GNAS: variants seen among roughly 807,000 people sequenced by gnomAD.
The protein encoded by GNAS is GNAS complex locus.
Under a neutral mutation model 54.5 loss-of-function variants are expected in GNAS, and 8 were observed. The ratio of observed to expected loss-of-function variants is 0.15; its 90% CI spans 0.09 to 0.26. The LOEUF is 0.26. GNAS is among the 10% of genes least tolerant of loss of function. GNAS has a pLI of 1.00. For missense variants in GNAS, 170 were observed against 529.8 expected (o/e 0.32, Z 6.67); for synonymous variants, 204 against 191.4 (o/e 1.07, Z -0.54).
At chr20:58,889,030 C>G (rs1185691506), upstream of GNAS, 13 of 987,740 alleles carry the variant, frequency 1.3e-5, no homozygotes, top group Non-Finnish European at 1.6e-5. Flanking sequence ...CCCCAGGGTG[C>G]GCGGCGGCCC....
intron 1 of GNAS, among the ~76,000 whole-genome samples, chr20:58,865,544 C>CTT (rs149074204): frequency 8.7e-4 from 125 of 144,104 alleles, no homozygotes; most frequent in African/African-American, 3.0e-3. Flanking sequence ...ATATAAAATA[C>CTT]TTTTTTTTTT....
At chr20:58,851,146 C>G (rs1292348091) in intron 1 of GNAS, among the ~76,000 whole-genome samples, 1 of 152,128 alleles carries the variant, frequency 6.6e-6, no homozygotes, top group Non-Finnish European at 1.5e-5. Context: ...GTGTGTAGAC[C>G]CATAGAGCTA....
At chr20:58,898,725 G>A (rs1024769228) in intron 2 of GNAS, 38 of 637,496 alleles carry the variant, frequency 6.0e-5, no homozygotes, top group African/African-American at 5.4e-4. Context: ...CTGCAGCAAA[G>A]GTGTGGGATT....
In GNAS at chr20:58,853,406, A is replaced by C; in HGVS notation, c.43+12520A>C. 1.9e-6 allele frequency: 3 copies of C among 1,580,042 alleles called. No homozygotes were observed. The highest frequency in any genetic ancestry group is 2.6e-6 in the Non-Finnish European group (3 of 1,163,628). On this transcript the variant is annotated intron_variant, in intron 1 of 12. Coordinates refer to the GNAS transcript ENST00000306090. The surrounding 1 kb of genome is among the most constrained non-coding windows in gnomAD (Gnocchi z 4.4). ...CCGGTGCTGGGCCTAGCCCAGCCGA[A>C]GAGATGGAGACCGAACCGCCTCACA...
chr20:58,871,511 G>A (rs1412208655), intron 1 of GNAS, among the ~76,000 whole-genome samples: 1 of 151,556 alleles, frequency 6.6e-6, no homozygotes, highest in East Asian at 1.9e-4. Flanking sequence ...CTACTCGGGA[G>A]GCTGAGACAG....
At chr20:58,843,243 C>G (rs996720144) in intron 1 of GNAS, 8 of 151,080 alleles carry the variant, frequency 5.3e-5, no homozygotes, top group African/African-American at 1.7e-4. Context: ...CCCCAGCTTC[C>G]CTCTTTACAC....
chr20:58,874,755 C>T (rs2087698931), intron 1 of GNAS, among the ~76,000 whole-genome samples: 1 of 152,172 alleles, frequency 6.6e-6, no homozygotes. Flanking sequence ...TCCTGGCCTG[C>T]CCTCTATCTT....
At chr20:58,897,212 A>G (rs1568997271) in intron 2 of GNAS, among the ~76,000 whole-genome samples, 1 of 152,150 alleles carries the variant, frequency 6.6e-6, no homozygotes, top group Non-Finnish European at 1.5e-5. Context: ...CTTGTCACCA[A>G]CCAATTCCGA....
chr20:58,860,316 C>T (rs186097934), intron 1 of GNAS, among the ~76,000 whole-genome samples: 99 of 150,016 alleles, frequency 6.6e-4, no homozygotes, highest in African/African-American at 2.3e-3. Flanking sequence ...TTTTTAAATG[C>T]AGGTTTTTTT....
intron 6 of GNAS, among the ~76,000 whole-genome samples, chr20:58,907,865 C>G (rs572839579): frequency 6.6e-6 from 1 of 152,308 alleles, no homozygotes; most frequent in East Asian, 1.9e-4. Context: ...GGTAGTGTGC[C>G]CATTTCTTAA....
At chr20:58,888,476 G>A (rs1161189275), upstream of GNAS, 2 of 152,166 alleles carry the variant, frequency 1.3e-5, no homozygotes, top group African/African-American at 2.4e-5. Flanking sequence ...AGTGTGCGGC[G>A]GGACACTTGA....
At chr20:58,871,794 C>G (rs1215565190) in intron 1 of GNAS, among the ~76,000 whole-genome samples, 2 of 151,886 alleles carry the variant, frequency 1.3e-5, no homozygotes, top group Non-Finnish European at 2.9e-5. Flanking sequence ...GAAAAGAGTG[C>G]CTTTGCCAAG....
rs1331938929 is a variant in GNAS, at chr20:58,841,471, G to A, written c.43+585G>A. ...CGCGGCGCCTAAGCAGCTCAGAGCC[G>A]GAGCCCAGGTCCCAGAGCTGACAAT... On this transcript the variant is annotated intron_variant, in intron 1 of 12. Coordinates refer to the GNAS transcript ENST00000306090. This position sits in a 1 kb window ranked among gnomAD's most constrained non-coding sequence, Gnocchi z 5.0. 4.0e-6 allele frequency: 4 copies of A among 991,666 alleles called. No homozygotes were observed. Among genetic ancestry groups the A allele is most frequent in the Non-Finnish European group, 3.6e-6 (3 of 834,220 alleles). The allele number at this position is 991,666 out of a possible 1,614,324, so 61.4% of individuals were successfully genotyped here.
At chr20:58,870,083 G>A (rs1293689726) in intron 1 of GNAS, among the ~76,000 whole-genome samples, 1 of 152,134 alleles carries the variant, frequency 6.6e-6, no homozygotes, top group Non-Finnish European at 1.5e-5. Flanking sequence ...CCTCCAATGG[G>A]AATTTATTTC....
intron 1 of GNAS, among the ~76,000 whole-genome samples, chr20:58,851,359 G>T (rs1463404221): frequency 4.6e-5 from 7 of 152,172 alleles, no homozygotes; most frequent in African/African-American, 1.7e-4. Context: ...CTCTTATACA[G>T]CAGCCCGTGC....
intron 1 of GNAS, among the ~76,000 whole-genome samples, chr20:58,876,029 G>A (rs1600841428): frequency 6.6e-6 from 1 of 152,298 alleles, no homozygotes; most frequent in East Asian, 1.9e-4. Flanking sequence ...CTGGGGCTTA[G>A]TGGCGCTTGG....
At chr20:58,877,402 G>A (rs2087896532) in intron 1 of GNAS, among the ~76,000 whole-genome samples, 3 of 152,174 alleles carry the variant, frequency 2.0e-5, no homozygotes, top group South Asian at 4.1e-4. Context: ...CTACATGCTA[G>A]CTTCCCCCTT....
intron 1 of GNAS, among the ~76,000 whole-genome samples, chr20:58,868,230 G>T (rs777249063): frequency 2.6e-5 from 4 of 152,032 alleles, no homozygotes; most frequent in Non-Finnish European, 4.4e-5. Flanking sequence ...TGTTGGTCAG[G>T]CTGGTCTCAA....
At chr20:58,849,167 C>A (rs982317618) in intron 1 of GNAS, among the ~76,000 whole-genome samples, 2 of 152,082 alleles carry the variant, frequency 1.3e-5, no homozygotes. Context: ...TGGGTAGAGG[C>A]TAGGGATGCT....
Sources: allele counts gnomAD v4.1 joint callset (sites outside exome capture counted in the v4.1 genomes callset), GRCh38; gene constraint gnomAD v4.1.1; non-coding constraint Gnocchi (gnomAD v3.1); transcripts MANE v1.5; gene names NCBI Gene and HGNC (gene_info 2026-07-23, HGNC 2026-07-21).